The following SCAPER variants were observed in gnomAD, a reference collection of about 807,000 sequenced individuals.
SCAPER encodes S-phase cyclin A associated protein in the ER.
Under a neutral mutation model 182.2 loss-of-function variants are expected in SCAPER, and 98 were observed. The observed-to-expected ratio is 0.54, with a 90% CI of 0.46 to 0.64. SCAPER has a LOEUF of 0.64. SCAPER is among the 30% of genes least tolerant of loss of function. The pLI, the probability that SCAPER is intolerant of heterozygous loss-of-function variation, is 0.00. For synonymous variants in SCAPER, 605 were observed against 564.6 expected (o/e 1.07, Z -1.01); for missense variants, 1,432 against 1,690.0 (o/e 0.85, Z 2.68).
intron 5 of SCAPER, among the ~76,000 whole-genome samples, chr15:76,835,510 A>G (rs1390649762): frequency 6.6e-6 from 1 of 152,194 alleles, no homozygotes; most frequent in Non-Finnish European, 1.5e-5. Flanking sequence ...CATGTTAAAA[A>G]CCCTCAACAA....
At chr15:76,706,367 G>A (rs2059263092) in intron 17 of SCAPER, among the ~76,000 whole-genome samples, 1 of 152,076 alleles carries the variant, frequency 6.6e-6, no homozygotes. Context: ...ACAAAAAATG[G>A]ACATCAATAT....
At chr15:76,470,673 A>T (rs2050082789) in intron 25 of SCAPER, among the ~76,000 whole-genome samples, 1 of 152,182 alleles carries the variant, frequency 6.6e-6, no homozygotes, top group South Asian at 2.1e-4. Flanking sequence ...CTCTTTCAAC[A>T]TCTGTGAACT....
chr15:76,868,691 C>T (rs2072479368), intron 2 of SCAPER, among the ~76,000 whole-genome samples: 1 of 151,886 alleles, frequency 6.6e-6, no homozygotes, highest in Non-Finnish European at 1.5e-5. Flanking sequence ...TGGAAGAATA[C>T]TATTAAAACA....
chr15:76,574,872 C>T (rs894183299), intron 22 of SCAPER, among the ~76,000 whole-genome samples: 41 of 152,208 alleles, frequency 2.7e-4, no homozygotes, highest in African/African-American at 9.9e-4. Context: ...TTTGTGGCCC[C>T]TACCTGGTAC....
intron 20 of SCAPER, among the ~76,000 whole-genome samples, chr15:76,693,292 A>AGACCAACCTATTTGGAT (rs2058477661): frequency 6.6e-6 from 1 of 152,216 alleles, no homozygotes; most frequent in African/African-American, 2.4e-5. Context: ...ATTTAAAGTA[A>AGACCAACCTATTTGGAT]GACCAACCTA....
chr15:76,357,627 TCA>T (rs973719922), intron 29 of SCAPER, among the ~76,000 whole-genome samples: 5 of 152,242 alleles, frequency 3.3e-5, no homozygotes, highest in Admixed American at 3.3e-4. Context: ...AAAAGGATAC[TCA>T]CACGTGTATG....
At chr15:76,462,445 G>A (rs1263238294) in intron 25 of SCAPER, among the ~76,000 whole-genome samples, 1 of 152,152 alleles carries the variant, frequency 6.6e-6, no homozygotes, top group Non-Finnish European at 1.5e-5. Flanking sequence ...TTATGGCTTA[G>A]TGAATAATTC....
At chr15:76,382,587 C>T (rs1209059664) in intron 27 of SCAPER, among the ~76,000 whole-genome samples, 2 of 152,066 alleles carry the variant, frequency 1.3e-5, no homozygotes, top group Non-Finnish European at 2.9e-5. Context: ...CCCTTTTAAA[C>T]AGAAACTGTA....
chr15:76,659,328 T>G (rs191441466), intron 21 of SCAPER, among the ~76,000 whole-genome samples: 2 of 152,114 alleles, frequency 1.3e-5, no homozygotes, highest in African/African-American at 4.8e-5. Flanking sequence ...TGGAGTATAG[T>G]GGTACAATCA....
intron 23 of SCAPER, among the ~76,000 whole-genome samples, chr15:76,531,209 A>C (rs1387751154): frequency 6.6e-6 from 1 of 152,184 alleles, no homozygotes; most frequent in Non-Finnish European, 1.5e-5. Context: ...GAGGACGTAA[A>C]GGTCCTGAAG....
chr15:76,615,478 TACACACACACACAGACACACACAC>T (rs1392344193), intron 22 of SCAPER, among the ~76,000 whole-genome samples: 6 of 119,446 alleles, frequency 5.0e-5, no homozygotes, highest in African/African-American at 1.3e-4. Context: ...TATATATACA[TACACACACACACAGACACACACAC>T]ACACACACAC....
intron 28 of SCAPER, among the ~76,000 whole-genome samples, chr15:76,377,403 T>C (rs1169316723): frequency 6.6e-6 from 1 of 152,184 alleles, no homozygotes; most frequent in African/African-American, 2.4e-5. Flanking sequence ...TTTATTTAAT[T>C]AGTCACGTCC....
chr15:76,397,068 A>T (rs922116440), intron 27 of SCAPER, among the ~76,000 whole-genome samples: 2 of 145,846 alleles, frequency 1.4e-5, no homozygotes, highest in African/African-American at 5.1e-5. Context: ...ATGCTTTTTC[A>T]GCATGTCCTG....
chr15:76,456,030 T>C (rs2048708784), intron 25 of SCAPER, among the ~76,000 whole-genome samples: 1 of 152,234 alleles, frequency 6.6e-6, no homozygotes, highest in South Asian at 2.1e-4. Context: ...TAGTATTCCA[T>C]GGTGTATATG....
At chr15:76,450,182 C>T (rs913531675) in intron 25 of SCAPER, among the ~76,000 whole-genome samples, 3 of 152,278 alleles carry the variant, frequency 2.0e-5, no homozygotes, top group Middle Eastern at 3.4e-3. Flanking sequence ...GTGATGTCTA[C>T]TATAGCATAT....
intron 1 of SCAPER, among the ~76,000 whole-genome samples, chr15:76,889,322 C>G (rs1204034149): frequency 6.6e-6 from 1 of 152,120 alleles, no homozygotes; most frequent in East Asian, 1.9e-4. Flanking sequence ...TCACACATAA[C>G]AATATTAACC....
chr15:76,417,165 C>T (rs1181646857), intron 26 of SCAPER, among the ~76,000 whole-genome samples: 3 of 151,848 alleles, frequency 2.0e-5, no homozygotes, highest in African/African-American at 7.3e-5. Flanking sequence ...CACTAAAAAA[C>T]ACAAACCCGG....
At chr15:76,498,013 AAAAAAAAT>A (rs2040746606) in intron 24 of SCAPER, among the ~76,000 whole-genome samples, 2 of 144,882 alleles carry the variant, frequency 1.4e-5, no homozygotes, top group African/African-American at 5.2e-5. Context: ...AAAAAAAAAA[AAAAAAAAT>A]AAGCACATGA....
intron 17 of SCAPER, among the ~76,000 whole-genome samples, chr15:76,726,119 T>C (rs2060569295): frequency 2.2e-5 from 1 of 45,968 alleles, no homozygotes; most frequent in Admixed American, 2.9e-4. Context: ...AGGGTTAATG[T>C]CTAGAATATA....
Sources: gnomAD v4.1 joint callset for allele counts (sites outside exome capture counted in the v4.1 genomes callset) on GRCh38, gnomAD v4.1.1 for gene constraint, MANE v1.5 for transcripts, NCBI Gene and HGNC (gene_info 2026-07-23, HGNC 2026-07-21) for gene names.